Variants in LMAN1L observed in about 807,000 individuals in gnomAD.
LMAN1L encodes the protein lectin, mannose binding 1 like, also known as protein ERGIC-53-like.
In LMAN1L, 60 loss-of-function variants were observed where a neutral mutation model predicts 58.3. The ratio of observed to expected loss-of-function variants is 1.03; its 90% CI spans 0.84 to 1.27. The LOEUF (loss-of-function observed/expected upper bound fraction) is 1.27. Among genes scored for constraint, LMAN1L ranks in the 50% most tolerant of loss-of-function variants. The pLI is 0.00. For missense variants in LMAN1L, 629 were observed against 674.0 expected (o/e 0.93, Z 0.74); for synonymous variants, 280 against 271.6 (o/e 1.03, Z -0.31).
chr15:74,816,197 C>T lies in LMAN1L; in HGVS notation c.216C>T (p.Ser72=). 2 of 1,562,078 alleles carry T rather than the reference C, an allele frequency of 1.3e-6. No homozygotes were observed. Among genetic ancestry groups the T allele is most frequent in the Non-Finnish European group, 1.7e-6 (2 of 1,153,608 alleles). The change falls in exon 2 of 14, where the codon TCC becomes TCT. Residue 72 remains serine, a synonymous_variant. Coordinates refer to ENST00000309664, the MANE Select transcript of LMAN1L (RefSeq NM_021819.3). ...LGLEEVRLTP[S]MRNRSGAVWS... ...TGGAGGAAGTGCGGCTGACGCCATCCATGAGGAACCGGAGTGGCGCCGTGT... is the reference window on the plus strand; with the variant it reads ...TGGAGGAAGTGCGGCTGACGCCATCTATGAGGAACCGGAGTGGCGCCGTGT...
chr15:74,816,814 T>C, intron 4 of LMAN1L, 124 bp downstream of exon 4: 1 of 913,930 alleles, frequency 1.1e-6, no homozygotes, highest in East Asian at 2.7e-5. Context: ...GCCGCCATAC[T>C]TGCTGGACTC....
chr15:74,819,925 C>T (rs1427130172), intron 6 of LMAN1L, 119 bp from the exon 7 acceptor site: 9 of 886,528 alleles, frequency 1.0e-5, no homozygotes, highest in South Asian at 2.7e-5. Flanking sequence ...AAGCATCAGA[C>T]GGTGGCCCAA....
At chr15:74,819,975 G>C in intron 6 of LMAN1L, 69 bp from the exon 7 acceptor site, 1 of 1,429,180 alleles carries the variant, frequency 7.0e-7, no homozygotes, top group Non-Finnish European at 9.9e-7. Context: ...ATGGCGGTTA[G>C]GGTGAAGGCT....
chr15:74,819,416 T>C (rs2063907225), intron 6 of LMAN1L, 144 bp downstream of exon 6: 2 of 1,071,970 alleles, frequency 1.9e-6, no homozygotes, highest in African/African-American at 3.1e-5. Flanking sequence ...AAGTCATGTC[T>C]GCCTTGAGAC....
chr15:74,816,721 T>C, intron 4 of LMAN1L, 31 bp downstream of exon 4: 1 of 1,603,262 alleles, frequency 6.2e-7, no homozygotes, highest in Non-Finnish European at 8.5e-7. Context: ...ACCACTCACC[T>C]CCATTTTTGC....
chr15:74,825,251 C>G, intron 13 of LMAN1L: 1 of 479,306 alleles, frequency 2.1e-6, no homozygotes, highest in Non-Finnish European at 3.8e-6. Context: ...AGCACATGCA[C>G]AGGAGTGCAG....
Position 74,812,950 on chromosome 15 carries a change from G to A in LMAN1L, c.96G>A (p.Arg32=). 1 of 1,614,016 alleles carries A rather than the reference G, an allele frequency of 6.2e-7. No homozygotes were observed. Among genetic ancestry groups the A allele is most frequent in the Non-Finnish European group, 8.5e-7 (1 of 1,180,018 alleles). The change falls in exon 1 of 14, where the codon AGG becomes AGA. Residue 32 remains arginine, a synonymous_variant. Transcript: ENST00000309664. The stretch of plus-strand genomic sequence containing the variant: ...AGACGGGGTGTCCTCCTCTACGCAG[G>A]TTTGAGTACAAGCTCAGCTTCAAAG... ...SPETGCPPLR[R]FEYKLSFKGP...
At chr15:74,819,348 CACTGGGGTGGCGTCA>C in intron 6 of LMAN1L, 76 bp downstream of exon 6, 1 of 1,540,006 alleles carries the variant, frequency 6.5e-7, no homozygotes, top group Non-Finnish European at 8.8e-7. Context: ...TTCTAAAGAG[CACTGGGGTGGCGTCA>C]GCCACTTCAC....
chr15:74,816,839 C>T lies in LMAN1L; in HGVS notation c.497+149C>T, dbSNP rs112467575. On this transcript the variant is annotated intron_variant, in intron 4 of 13. Transcript: ENST00000309664. The stretch of plus-strand genomic sequence containing the variant: ...TTGCTGGACTCTCTCACTTAGCCGA[C>T]GTCCGCCCCCCTGGGGCTTGATTCC... The T allele has an allele frequency of 1.3e-4, 93 of 733,120 alleles. No individual in the cohort carries two copies. In the African/African-American group the frequency reaches 1.3e-3, roughly 11 times the overall value. The allele number at this position is 733,120 out of a possible 1,614,324, so 45.4% of individuals were successfully genotyped here.
chr15:74,816,823 T>C (rs911197329), intron 4 of LMAN1L, 133 bp downstream of exon 4: 1 of 845,116 alleles, frequency 1.2e-6, no homozygotes, highest in South Asian at 1.8e-5. Context: ...CTTGCTGGAC[T>C]CTCTCACTTA....
intron 11 of LMAN1L, among the ~76,000 whole-genome samples, chr15:74,823,178 T>A (rs1287339469): frequency 6.6e-6 from 1 of 152,112 alleles, no homozygotes; most frequent in Non-Finnish European, 1.5e-5. Flanking sequence ...CTGGGGATGC[T>A]GTGGAGGAGG....
intron 1 of LMAN1L, chr15:74,813,244 C>CCT (rs1262957967): frequency 3.0e-6 from 2 of 661,642 alleles, no homozygotes; most frequent in Admixed American, 2.1e-5. Flanking sequence ...TTCTCCTCTG[C>CCT]CTCTCTGCTT....
chr15:74,821,740 G>A (rs2063917795), intron 9 of LMAN1L, 89 bp from the exon 10 acceptor site: 3 of 851,430 alleles, frequency 3.5e-6, no homozygotes, highest in South Asian at 3.2e-5. Context: ...TTAATCTTGT[G>A]TCAGAGCAGC....
In LMAN1L at chr15:74,823,554, G is replaced by A. The variant is rs7162232; in HGVS notation, c.1200-5G>A. 1,127,728 of 1,612,692 alleles carry A rather than the reference G, an allele frequency of 0.7. 397,391 individuals are homozygous for A. Among genetic ancestry groups the A allele is most frequent in the Non-Finnish European group, 0.72 (853,954 of 1,179,332 alleles). On this transcript the variant is annotated splice_polypyrimidine_tract_variant and splice_region_variant and intron_variant, in intron 11 of 13. Transcript: ENST00000309664. ...TCATCTTACTTGGTTACCACCCCCG[G>A]TTAGGGATGCAGCTGTCCGCATGGC...
At chr15:74,820,159 T>C in intron 7 of LMAN1L, 60 bp downstream of exon 7, 1 of 1,418,448 alleles carries the variant, frequency 7.0e-7, no homozygotes, top group South Asian at 1.1e-5. Context: ...CTCACCCATG[T>C]CATGGTGCCC....
rs1360798554 is a variant in LMAN1L, at chr15:74,820,252, G to A, written c.774+153G>A. On this transcript the variant is annotated intron_variant, in intron 7 of 13. Coordinates refer to ENST00000309664, the MANE Select transcript of LMAN1L (RefSeq NM_021819.3). ...GACCTTGTGCAGGGCAGTGCTGCGG[G>A]CCAGGGCCGGTGTGTGAGGTCTCGC... The A allele has an allele frequency of 4.1e-6, 3 of 729,522 alleles. No individual in the cohort carries two copies. The African/African-American group carries it at 5.2e-5, about 13-fold the overall frequency. The allele number at this position is 729,522 out of a possible 1,614,324, so 45.2% of individuals were successfully genotyped here.
chr15:74,819,986 G>A, intron 6 of LMAN1L, 58 bp from the exon 7 acceptor site: 9 of 1,517,918 alleles, frequency 5.9e-6, no homozygotes, highest in Non-Finnish European at 8.2e-6. Flanking sequence ...GGTGAAGGCT[G>A]AGCGAGGGGG....
chr15:74,813,747 G>C (rs1002823907), intron 1 of LMAN1L, among the ~76,000 whole-genome samples: 6 of 152,350 alleles, frequency 3.9e-5, no homozygotes, highest in Admixed American at 2.6e-4. Flanking sequence ...GTCCACCTGA[G>C]AGTTGGGCCA....
At position 74,816,462 on chromosome 15, in the gene LMAN1L, C is replaced by T. The variant is rs372530929; in HGVS notation, c.366C>T (p.Gly122=). ...ACACCCGGGGCAGGGGCCATGTAGG[C>T]TCTGTCCTTGGGGGGCTGGCTTCGT... ...VWYTRGRGHV[G]SVLGGLASWD... The change falls in exon 3 of 14, where the codon GGC becomes GGT. Residue 122 remains glycine, a synonymous_variant. Coordinates refer to ENST00000309664, the MANE Select transcript of LMAN1L (RefSeq NM_021819.3). 1.3e-6 allele frequency: 2 copies of T among 1,553,526 alleles called. No homozygotes were observed. The highest frequency in any genetic ancestry group is 1.7e-6 in the Non-Finnish European group (2 of 1,146,352).
Sources: gnomAD v4.1 joint callset for allele counts (sites outside exome capture counted in the v4.1 genomes callset) on GRCh38, gnomAD v4.1.1 for gene constraint, MANE v1.5 for transcripts, NCBI Gene and HGNC (gene_info 2026-07-23, HGNC 2026-07-21) for gene names.